KCNB2: variants seen among roughly 807,000 people sequenced by gnomAD.
The protein encoded by KCNB2 is delayed rectifier potassium channel protein.
KCNB2 carries 15 observed loss-of-function variants against 61.5 expected under a neutral mutation model. That is an observed-to-expected ratio of 0.24 (90% CI 0.16 to 0.38). The LOEUF (loss-of-function observed/expected upper bound fraction) is 0.38. Among genes scored for constraint, KCNB2 ranks in the 10% least tolerant of loss-of-function variants. The pLI is 1.00. For missense variants in KCNB2, 828 were observed against 1,125.2 expected (o/e 0.74, Z 3.78); for synonymous variants, 457 against 446.0 (o/e 1.02, Z -0.31).
chr8:72,932,802 C>T (rs1374852355), intron 2 of KCNB2, among the ~76,000 whole-genome samples: 2 of 152,108 alleles, frequency 1.3e-5, no homozygotes, highest in Non-Finnish European at 2.9e-5. Flanking sequence ...AGTGCATCCT[C>T]AAGCTTAAAG....
intron 2 of KCNB2, among the ~76,000 whole-genome samples, chr8:72,916,156 A>G (rs1806395286): frequency 6.6e-6 from 1 of 152,232 alleles, no homozygotes. Flanking sequence ...ATCTTGTGCA[A>G]AAAATGATAT....
At chr8:72,644,704 T>C (rs1806103750) in intron 2 of KCNB2, among the ~76,000 whole-genome samples, 1 of 152,200 alleles carries the variant, frequency 6.6e-6, no homozygotes, top group African/African-American at 2.4e-5. Flanking sequence ...TATCTTACAA[T>C]TTAATTTTGA....
At chr8:72,828,555 C>A (rs1475393482) in intron 2 of KCNB2, among the ~76,000 whole-genome samples, 1 of 152,112 alleles carries the variant, frequency 6.6e-6, no homozygotes, top group Non-Finnish European at 1.5e-5. Flanking sequence ...AATTTGAAAA[C>A]CCTGGACATG....
chr8:72,905,858 C>A (rs1413583350), intron 2 of KCNB2, among the ~76,000 whole-genome samples: 1 of 152,064 alleles, frequency 6.6e-6, no homozygotes, highest in Non-Finnish European at 1.5e-5. Context: ...TGCCACCAGA[C>A]CATCAGGAAT....
chr8:72,937,405 C>G lies in KCNB2; in HGVS notation c.2050C>G (p.Gln684Glu). 1 of 1,614,038 alleles carries G rather than the reference C, an allele frequency of 6.2e-7. No individual in the cohort carries two copies. The highest frequency in any genetic ancestry group is 1.3e-5 in the African/African-American group (1 of 74,990). The change falls in exon 3 of 3, where the codon CAG (glutamine) becomes GAG (glutamate). Residue 684 changes from glutamine to glutamate, a missense_variant. Around this residue, in one of 4 missense-constraint regions of KCNB2, gnomAD observed 559 missense variants for 588.4 expected, o/e 0.95. Coordinates refer to ENST00000523207, the MANE Select transcript of KCNB2 (RefSeq NM_004770.3). ...TGTGAACCTCGATGCCAGTGGCTCC[C>G]AGTGTGGGCTACATAGTCCTTTGCA... ...ITVNLDASGS[Q>E]CGLHSPLQSD... is the part of the protein sequence containing the mutation.
At chr8:72,704,811 A>G (rs1807192656) in intron 2 of KCNB2, among the ~76,000 whole-genome samples, 6 of 152,126 alleles carry the variant, frequency 3.9e-5, no homozygotes, top group Admixed American at 2.6e-4. Context: ...GCAGATGCTC[A>G]AGTCCCTTAT....
At chr8:72,613,699 G>A (rs1047082379) in intron 2 of KCNB2, among the ~76,000 whole-genome samples, 1 of 152,084 alleles carries the variant, frequency 6.6e-6, no homozygotes, top group African/African-American at 2.4e-5. Flanking sequence ...CCATATTCAC[G>A]CCTCCATTGT....
chr8:72,678,083 G>A (rs1806691325), intron 2 of KCNB2, among the ~76,000 whole-genome samples: 1 of 152,140 alleles, frequency 6.6e-6, no homozygotes, highest in African/African-American at 2.4e-5. Flanking sequence ...TTCCTGTTGT[G>A]TGAACTAAAA....
At chr8:72,746,315 ACAT>A (rs1808064418) in intron 2 of KCNB2, among the ~76,000 whole-genome samples, 1 of 134,890 alleles carries the variant, frequency 7.4e-6, no homozygotes, top group South Asian at 2.6e-4. Context: ...TGAGCAGATG[ACAT>A]CAATATTATG....
chr8:72,561,736 T>C lies in KCNB2; in HGVS notation c.-93-5906T>C, dbSNP rs1002345838. Reference sequence around the variant, plus strand: ...ATATATATATATATATATCTATATCTATATATATATGTATATATATATATG... The same window carrying C: ...ATATATATATATATATATCTATATCCATATATATATGTATATATATATATG... On this transcript the variant is annotated intron_variant, in intron 1 of 2. Transcript: ENST00000523207. Among the ~76,000 whole-genome samples, 2 of 17,692 alleles carry C rather than the reference T, an allele frequency of 1.1e-4. 1 individual carries two copies. Among genetic ancestry groups the C allele is most frequent in the Non-Finnish European group, 1.6e-4 (2 of 12,278 alleles). 11.6% of individuals were successfully genotyped at this position (17,692 alleles called of 152,430 possible). A position where few individuals can be genotyped will look rare whatever the true frequency, so the allele number is the denominator to read the frequency against.
At chr8:72,773,170 T>C (rs578256417) in intron 2 of KCNB2, among the ~76,000 whole-genome samples, 1 of 152,316 alleles carries the variant, frequency 6.6e-6, no homozygotes, top group South Asian at 2.1e-4. Context: ...TAGACAGCAC[T>C]GCTTAGCATC....
At chr8:72,593,367 A>G (rs1349251997) in intron 2 of KCNB2, among the ~76,000 whole-genome samples, 1 of 152,164 alleles carries the variant, frequency 6.6e-6, no homozygotes, top group Non-Finnish European at 1.5e-5. Context: ...ACATATTATG[A>G]TGTGTTAGAT....
intron 2 of KCNB2, among the ~76,000 whole-genome samples, chr8:72,706,110 C>G (rs1807219622): frequency 6.6e-6 from 1 of 152,164 alleles, no homozygotes. Context: ...AGGGCCAAGG[C>G]AAAACTGAAA....
intron 2 of KCNB2, among the ~76,000 whole-genome samples, chr8:72,906,931 T>C (rs1385568518): frequency 6.6e-6 from 1 of 152,178 alleles, no homozygotes; most frequent in African/African-American, 2.4e-5. Context: ...AGCAGAGAAA[T>C]AAATCAATGT....
chr8:72,831,681 G>A (rs770299788), intron 2 of KCNB2, among the ~76,000 whole-genome samples: 4 of 152,196 alleles, frequency 2.6e-5, no homozygotes. Flanking sequence ...CAACTTTTAT[G>A]CTTTCCCAAG....
chr8:72,755,308 G>A (rs1199498455), intron 2 of KCNB2, among the ~76,000 whole-genome samples: 1 of 152,124 alleles, frequency 6.6e-6, no homozygotes, highest in Non-Finnish European at 1.5e-5. Context: ...TAAAGGAAAG[G>A]AAATCTGAAT....
At chr8:72,821,645 A>C (rs55717814) in intron 2 of KCNB2, among the ~76,000 whole-genome samples, 57 of 92,448 alleles carry the variant, frequency 6.2e-4, no homozygotes, top group Middle Eastern at 0.011. Flanking sequence ...AAAAAACAAA[A>C]AAAAAAAAAA....
At chr8:72,562,487 G>A (rs1806553730) in intron 1 of KCNB2, among the ~76,000 whole-genome samples, 1 of 152,156 alleles carries the variant, frequency 6.6e-6, no homozygotes, top group African/African-American at 2.4e-5. Context: ...TGAAGGGATG[G>A]TGAGTACATT....
At chr8:72,814,664 A>G (rs571509738) in intron 2 of KCNB2, among the ~76,000 whole-genome samples, 1 of 152,332 alleles carries the variant, frequency 6.6e-6, no homozygotes, top group Admixed American at 6.5e-5. Flanking sequence ...TATTCAGATG[A>G]TAAAAGTCCG....
Sources: allele counts gnomAD v4.1 joint callset (sites outside exome capture counted in the v4.1 genomes callset), GRCh38; gene constraint gnomAD v4.1.1; regional missense constraint gnomAD v4.1.1; transcripts MANE v1.5; gene names NCBI Gene and HGNC (gene_info 2026-07-23, HGNC 2026-07-21).